The following SAXO1 variants were observed in gnomAD, a reference collection of about 807,000 sequenced individuals.
SAXO1 encodes stabilizer of axonemal microtubules 1.
Under a neutral mutation model 17.5 loss-of-function variants are expected in SAXO1, and 21 were observed. That is an observed-to-expected ratio of 1.20 (90% confidence interval 0.85 to 1.72). The LOEUF is 1.72. Among genes scored for constraint, SAXO1 ranks in the 40% most tolerant of loss-of-function variants. The pLI is 0.00. For synonymous variants in SAXO1, 274 were observed against 216.5 expected (o/e 1.27, Z -2.33); for missense variants, 843 against 596.0 (o/e 1.41, Z -4.32).
chr9:18,949,344 G>A (rs1035877452), intron 2 of SAXO1, among the ~76,000 whole-genome samples: 1 of 149,766 alleles, frequency 6.7e-6, no homozygotes, highest in Non-Finnish European at 1.5e-5. Flanking sequence ...TGTAGTCCCA[G>A]CTACTAGGAG....
At chr9:18,985,522 T>G (rs900403161) in intron 1 of SAXO1, among the ~76,000 whole-genome samples, 1 of 152,100 alleles carries the variant, frequency 6.6e-6, no homozygotes, top group African/African-American at 2.4e-5. Flanking sequence ...TAAAATTCAT[T>G]TTTTTGTTGG....
chr9:19,027,638 C>T (rs541133151), intron 1 of SAXO1: 8 of 1,414,494 alleles, frequency 5.7e-6, no homozygotes, highest in Admixed American at 1.7e-5. Context: ...CAAGCTAGTC[C>T]GGGATGCCTT....
chr9:19,013,889 T>C (rs1834856162), intron 1 of SAXO1, among the ~76,000 whole-genome samples: 2 of 152,092 alleles, frequency 1.3e-5, no homozygotes, highest in South Asian at 4.2e-4. Flanking sequence ...TAGCAGCCAA[T>C]ATGCACTTTT....
chr9:19,020,733 T>C (rs555805379), intron 1 of SAXO1, among the ~76,000 whole-genome samples: 11 of 152,328 alleles, frequency 7.2e-5, no homozygotes, highest in African/African-American at 2.4e-4. Flanking sequence ...CTCAGCACAC[T>C]TGATAAGGAT....
At chr9:18,931,985 C>T (rs907629645) in intron 3 of SAXO1, among the ~76,000 whole-genome samples, 1 of 152,124 alleles carries the variant, frequency 6.6e-6, no homozygotes, top group Non-Finnish European at 1.5e-5. Context: ...ATTATTTTAA[C>T]AAAACACCCA....
Position 18,928,237 on chromosome 9 carries a change from G to A in SAXO1, c.1240C>T (p.Pro414Ser). 6.2e-7 allele frequency: 1 copy of A among 1,614,094 alleles called. No individual in the cohort carries two copies. Among genetic ancestry groups the A allele is most frequent in the Non-Finnish European group, 8.5e-7 (1 of 1,179,972 alleles). ...GCTAGGCACCTGCCCATTTCCTTGG[G>A]AGTAAAGCTGATGGTGTAGGTGGTC... ...SQTTYTISFT[P>S]KEMGRCLASY... Residue 414 changes from proline (P) to serine (S), a missense_variant, in exon 4 of 4, where the codon CCC becomes TCC. Coordinates refer to ENST00000380534, the MANE Select transcript of SAXO1 (RefSeq NM_153707.4).
chr9:18,989,211 A>G (rs1833707521), intron 1 of SAXO1, among the ~76,000 whole-genome samples: 1 of 152,206 alleles, frequency 6.6e-6, no homozygotes, highest in African/African-American at 2.4e-5. Context: ...AACAAATACA[A>G]TGATGCCAAA....
chr9:19,009,920 G>C (rs1834653986), intron 1 of SAXO1, among the ~76,000 whole-genome samples: 1 of 151,232 alleles, frequency 6.6e-6, no homozygotes, highest in African/African-American at 2.4e-5. Context: ...TCCGCCTCCT[G>C]GACTCAAGCT....
rs1833841496 is a variant in SAXO1 at position 18,992,194 on chromosome 9, A to T, written c.38+40677T>A. Among the ~76,000 whole-genome samples the T allele has an allele frequency of 2.0e-5, 3 of 152,138 alleles. No individual in the cohort carries two copies. The South Asian group carries it at 6.2e-4, about 32-fold the overall frequency. On this transcript the variant is annotated intron_variant, in intron 1 of 3. Transcript: ENST00000380534. ...TGCCATAACAAAGTCTCAGAAACTGAGTGGTTGAACCAGAAGTTTATTGGC... is the reference window on the plus strand; with the variant it reads ...TGCCATAACAAAGTCTCAGAAACTGTGTGGTTGAACCAGAAGTTTATTGGC...
intron 1 of SAXO1, among the ~76,000 whole-genome samples, chr9:19,007,418 C>A (rs755023466): frequency 7.2e-5 from 11 of 152,176 alleles, no homozygotes; most frequent in Admixed American, 2.0e-4. Context: ...TTTAAAAAAA[C>A]AAAGAAGTTC....
intron 1 of SAXO1, among the ~76,000 whole-genome samples, chr9:19,003,692 T>C (rs368122823): frequency 6.6e-6 from 1 of 152,190 alleles, no homozygotes; most frequent in Admixed American, 6.5e-5. Context: ...GCTAGCCATA[T>C]GTAGAAAGCT....
chr9:18,987,929 AC>A (rs1833662104), intron 1 of SAXO1, among the ~76,000 whole-genome samples: 1 of 139,610 alleles, frequency 7.2e-6, no homozygotes, highest in South Asian at 2.4e-4. Context: ...AAAAAAGAAA[AC>A]CAGCTCTTCC....
At chr9:19,001,476 G>A (rs542995145) in intron 1 of SAXO1, among the ~76,000 whole-genome samples, 1 of 152,120 alleles carries the variant, frequency 6.6e-6, no homozygotes, top group Non-Finnish European at 1.5e-5. Flanking sequence ...GACCATCCTG[G>A]CTACCACAGT....
In SAXO1 at chr9:18,945,247, C is replaced by T. The variant is rs1563934328; in HGVS notation, c.219-3408G>A. Among the ~76,000 whole-genome samples, 3 of 152,170 alleles carry T rather than the reference C, an allele frequency of 2.0e-5. 1 individual carries two copies. Among genetic ancestry groups the T allele is most frequent in the Admixed American group, 2.0e-4 (3 of 15,278 alleles). On this transcript the variant is annotated intron_variant, in intron 2 of 3. Transcript: ENST00000380534. ...ATCTGATTCCCCTCACTCCTGGATA[C>T]TCCAAGCATCACCTTGTTTTCCAGA...
rs376503836 is a variant in SAXO1, at chr9:19,032,931, C to T, written c.-23G>A. 3.8e-5 allele frequency: 61 copies of T among 1,604,264 alleles called. 1 individual carries two copies. In the Middle Eastern group the frequency reaches 4.9e-4, roughly 13 times the overall value. ...CATAGGGGCGATCCTGAGGCCCTGA[C>T]GTCCCCTCAGAGCATCGCCAGCTGC... On this transcript the variant is annotated 5_prime_UTR_variant, in exon 1 of 4. Coordinates refer to ENST00000380534, the MANE Select transcript of SAXO1 (RefSeq NM_153707.4).
At chr9:19,015,242 C>T (rs769237587) in intron 1 of SAXO1, among the ~76,000 whole-genome samples, 2 of 152,162 alleles carry the variant, frequency 1.3e-5, no homozygotes, top group African/African-American at 2.4e-5. Flanking sequence ...CATGGCTTAC[C>T]GCAGCCTCAA....
intron 1 of SAXO1, among the ~76,000 whole-genome samples, chr9:19,045,512 T>C (rs1021408872): frequency 6.6e-6 from 1 of 152,086 alleles, no homozygotes; most frequent in Non-Finnish European, 1.5e-5. Flanking sequence ...TGAAGTACCA[T>C]ATTGTAAACA....
chr9:18,958,932 TG>T lies in SAXO1; in HGVS notation c.39-7996del, dbSNP rs199570391. ...TTTGCGAAGAAGGAAAATAAGTTTC[TG>T]GGGGAAAAACTGACAAAAAGAGTAA... On this transcript the variant is annotated intron_variant, in intron 1 of 3. Coordinates refer to ENST00000380534, the MANE Select transcript of SAXO1 (RefSeq NM_153707.4). Among the ~76,000 whole-genome samples the T allele has an allele frequency of 2.5e-3, 380 of 152,230 alleles. 1 individual carries two copies. Among genetic ancestry groups the T allele is most frequent in the African/African-American group, 8.7e-3 (363 of 41,536 alleles).
chr9:19,028,194 G>A (rs1835592205), intron 1 of SAXO1: 6 of 1,213,202 alleles, frequency 4.9e-6, no homozygotes, highest in East Asian at 4.9e-5. Context: ...TGGTTTAGAG[G>A]CAAAATAAAA....
Sources: allele counts gnomAD v4.1 joint callset (sites outside exome capture counted in the v4.1 genomes callset), GRCh38; gene constraint gnomAD v4.1.1; transcripts MANE v1.5; gene names NCBI Gene and HGNC (gene_info 2026-07-23, HGNC 2026-07-21).